The following VPS8 variants were observed in gnomAD, a reference collection of about 807,000 sequenced individuals.
VPS8 encodes the protein vacuolar protein sorting-associated protein 8 homolog.
VPS8 carries 129 observed loss-of-function variants against 216.4 expected under a neutral mutation model. That is an observed-to-expected ratio of 0.60 (90% confidence interval 0.52 to 0.69). The LOEUF (loss-of-function observed/expected upper bound fraction) is 0.69, where lower values mean the gene tolerates loss of function less well. Among genes scored for constraint, VPS8 ranks in the 30% least tolerant of loss-of-function variants. The probability of loss-of-function intolerance (pLI) is 0.00; values close to 1 mark genes in which losing one functional copy is unlikely to be tolerated. For synonymous variants in VPS8, 571 were observed against 565.4 expected, an observed-to-expected ratio of 1.01 and a Z score of -0.14; for missense variants, 1,531 against 1,683.5, an observed-to-expected ratio of 0.91 and a Z score of 1.59.
intron 45 of VPS8, among the ~76,000 whole-genome samples, chr3:185,002,104 G>C (rs948221201): frequency 2.6e-5 from 4 of 152,188 alleles, no homozygotes; most frequent in African/African-American, 9.6e-5. Context: ...GTCAGAAAGA[G>C]AGTGAAATGA....
chr3:185,009,210 A>C (rs1302586110), intron 45 of VPS8, among the ~76,000 whole-genome samples: 1 of 152,218 alleles, frequency 6.6e-6, no homozygotes, highest in East Asian at 1.9e-4. Flanking sequence ...TGTTTTTAGT[A>C]TTTTATAGAA....
At chr3:184,870,855 A>G (rs975263334) in intron 21 of VPS8, 50 bp downstream of exon 21, 20 of 1,460,326 alleles carry the variant, frequency 1.4e-5, no homozygotes, top group Non-Finnish European at 1.8e-5. Flanking sequence ...TAGGTCTAAT[A>G]CTCCTCTTTT....
chr3:184,889,115 ACTGT>A (rs1477586192), intron 22 of VPS8, among the ~76,000 whole-genome samples: 2 of 152,190 alleles, frequency 1.3e-5, no homozygotes, highest in African/African-American at 2.4e-5. Context: ...TCACCTATTG[ACTGT>A]CTGAGAATGC....
At chr3:185,031,062 C>CTTTTTTTTTTTTTTTTTTTTTTTTT (rs1561198896) in intron 46 of VPS8, among the ~76,000 whole-genome samples, 1 of 75,238 alleles carries the variant, frequency 1.3e-5, no homozygotes, top group African/African-American at 7.4e-5. Context: ...TACAGGTTGG[C>CTTTTTTTTTTTTTTTTTTTTTTTTT]GTTTTTTTTT....
intron 36 of VPS8, among the ~76,000 whole-genome samples, chr3:184,954,960 T>C (rs752123694): frequency 6.6e-6 from 1 of 152,118 alleles, no homozygotes; most frequent in Non-Finnish European, 1.5e-5. Context: ...TAGGGTCAGG[T>C]GTTGACGGGA....
At position 184,941,380 on chromosome 3, in the gene VPS8, A is replaced by G. The variant is rs189003764; in HGVS notation, c.3035+1137A>G. ...GACCTTTTCAAAGTATCTGTATTTT[A>G]ATTCTCTGTCCTCAGATTATTACTG... On this transcript the variant is annotated intron_variant, in intron 36 of 47. Coordinates refer to ENST00000625842, the MANE Select transcript of VPS8 (RefSeq NM_001009921.3). Among the ~76,000 whole-genome samples the G allele has an allele frequency of 4.2e-4, 64 of 151,392 alleles. No individual in the cohort carries two copies. The East Asian group carries it at 0.012, about 28-fold the overall frequency.
chr3:184,868,912 A>G (rs1391534957), intron 18 of VPS8, 34 bp from the exon 19 acceptor site: 3 of 1,572,346 alleles, frequency 1.9e-6, no homozygotes, highest in Non-Finnish European at 2.6e-6. Flanking sequence ...TGGTCAGACA[A>G]AGGGGCCTGG....
chr3:184,922,689 A>G (rs762790148), intron 29 of VPS8, among the ~76,000 whole-genome samples: 19 of 152,096 alleles, frequency 1.2e-4, no homozygotes, highest in Non-Finnish European at 2.6e-4. Context: ...AGATGTGCTA[A>G]TTGGTTAAAG....
intron 37 of VPS8, among the ~76,000 whole-genome samples, chr3:184,959,451 A>G (rs1301454914): frequency 6.6e-6 from 1 of 152,238 alleles, no homozygotes; most frequent in African/African-American, 2.4e-5. Flanking sequence ...GATCAGGTAT[A>G]GAAAAAAGTA....
At chr3:185,000,479 A>G (rs1400703410) in intron 45 of VPS8, among the ~76,000 whole-genome samples, 1 of 152,102 alleles carries the variant, frequency 6.6e-6, no homozygotes, top group Non-Finnish European at 1.5e-5. Context: ...CTACTCGGCT[A>G]TACTTCCTCT....
chr3:184,868,796 A>G, intron 18 of VPS8, 150 bp from the exon 19 acceptor site: 1 of 662,598 alleles, frequency 1.5e-6, no homozygotes, highest in Non-Finnish European at 2.6e-6. Flanking sequence ...TGAAGATATT[A>G]TTTTTCTTTG....
At chr3:184,843,196 G>T in intron 7 of VPS8, 44 bp from the exon 8 acceptor site, 2 of 1,394,086 alleles carry the variant, frequency 1.4e-6, no homozygotes, top group Non-Finnish European at 1.9e-6. Flanking sequence ...CTGATTTCTT[G>T]CTTTTCTTTA....
intron 3 of VPS8, among the ~76,000 whole-genome samples, chr3:184,828,183 A>G (rs1719209223): frequency 6.6e-6 from 1 of 152,148 alleles, no homozygotes; most frequent in South Asian, 2.1e-4. Context: ...TCCATCGCCC[A>G]GGCTGTAGTG....
At position 184,860,062 on chromosome 3, in the gene VPS8, T is replaced by C. The variant is rs767594783; in HGVS notation, c.1221T>C (p.Phe407=). 2 of 1,605,782 alleles carry C rather than the reference T, an allele frequency of 1.2e-6. No homozygotes were observed. Among genetic ancestry groups the C allele is most frequent in the Admixed American group, 1.7e-5 (1 of 59,870 alleles). ...ACCTATACTATGACCTCATCAACTTTACCGTGAGTATTATTCAAATTAAAT... is the reference window on the plus strand; with the variant it reads ...ACCTATACTATGACCTCATCAACTTCACCGTGAGTATTATTCAAATTAAAT... ...HLHLYYDLIN[F]TWINSRTVVL... is the part of the protein sequence containing the mutation. The change falls in exon 15 of 48, where the codon TTT becomes TTC. Residue 407 remains phenylalanine (F), a synonymous_variant. Coordinates refer to ENST00000625842, the MANE Select transcript of VPS8 (RefSeq NM_001009921.3).
At chr3:184,860,363 A>ATG (rs1396173717) in intron 15 of VPS8, among the ~76,000 whole-genome samples, 7 of 150,940 alleles carry the variant, frequency 4.6e-5, no homozygotes, top group African/African-American at 7.3e-5. Context: ...AAAAAAGTAT[A>ATG]TGTGTGTGTG....
At chr3:184,931,112 T>C (rs925361454) in intron 34 of VPS8, among the ~76,000 whole-genome samples, 1 of 152,232 alleles carries the variant, frequency 6.6e-6, no homozygotes, top group African/African-American at 2.4e-5. Context: ...ACAAATAGAC[T>C]ACTTGCGTGA....
chr3:184,866,936 T>C lies in VPS8; in HGVS notation c.1456T>C (p.Tyr486His). The change falls in exon 17 of 48, where the codon TAT becomes CAT. Residue 486 changes from tyrosine to histidine, a missense_variant. Tyr to His is a moderately conservative substitution (Grantham distance 83). Transcript: ENST00000625842. ...CAGTAGCTATGGTGGTCAGATCTTT[T>C]ATTTGGGGACAAAAGTAAGCTCTTT... ...SISSYGGQIF[Y>H]LGTKSVYVMM... 1.2e-6 allele frequency: 2 copies of C among 1,613,270 alleles called. No individual in the cohort carries two copies. Among genetic ancestry groups the C allele is most frequent in the Non-Finnish European group, 1.7e-6 (2 of 1,179,626 alleles).
At chr3:184,943,321 CA>C (rs1743079346) in intron 36 of VPS8, among the ~76,000 whole-genome samples, 1 of 152,138 alleles carries the variant, frequency 6.6e-6, no homozygotes, top group African/African-American at 2.4e-5. Context: ...CAGTTGACCT[CA>C]AGGGTAAGAA....
intron 37 of VPS8, among the ~76,000 whole-genome samples, chr3:184,958,156 G>A (rs1489471394): frequency 6.6e-6 from 1 of 152,180 alleles, no homozygotes; most frequent in Non-Finnish European, 1.5e-5. Flanking sequence ...ATTTGGGTTA[G>A]TGGTTTTGAC....
Sources: allele counts gnomAD v4.1 joint callset (sites outside exome capture counted in the v4.1 genomes callset), GRCh38; gene constraint gnomAD v4.1.1; transcripts MANE v1.5; gene names NCBI Gene and HGNC (gene_info 2026-07-23, HGNC 2026-07-21).